The following SENP5 variants were observed in gnomAD, a reference collection of about 807,000 sequenced individuals.
SENP5 encodes sentrin-specific protease 5.
SENP5 carries 21 observed loss-of-function variants against 74.2 expected under a neutral mutation model. That is an observed-to-expected ratio of 0.28 (90% CI 0.20 to 0.41). SENP5 has a LOEUF of 0.41. Among genes scored for constraint, SENP5 ranks in the 10% least tolerant of loss-of-function variants. SENP5 has a pLI of 1.00. For missense variants in SENP5, 717 were observed against 889.1 expected (o/e 0.81, Z 2.46); for synonymous variants, 311 against 312.7 (o/e 0.99, Z 0.06).
Position 196,922,734 on chromosome 3 carries a change from A to C in SENP5, c.1885-680A>C, listed in dbSNP as rs75661271. Among the ~76,000 whole-genome samples the C allele has an allele frequency of 1.2e-3, 189 of 152,114 alleles. 6 individuals are homozygous for C. In the East Asian group the frequency reaches 0.031, roughly 25 times the overall value. On this transcript the variant is annotated intron_variant, in intron 6 of 9. Transcript: ENST00000323460. ...CTCCCAGGCTCAAGCCATCCTTTGA[A>C]CCTCAGCCTACCAAGTAACTGCGAC...
rs1218044345 is a variant in SENP5, at chr3:196,885,727, G to A, written c.546G>A (p.Thr182=). The A allele has an allele frequency of 3.1e-6, 5 of 1,614,208 alleles. No individual in the cohort carries two copies. Among genetic ancestry groups the A allele is most frequent in the East Asian group, 2.2e-5 (1 of 44,876 alleles). Reference sequence around the variant, plus strand: ...GCCAAAGTCCAGGTGAGAGTGGCACGATTGTGGTCACCTTGAACAACCATA... The same window carrying A: ...GCCAAAGTCCAGGTGAGAGTGGCACAATTGTGGTCACCTTGAACAACCATA... The part of the protein sequence containing the change: ...GESQSPGESG[T]IVVTLNNHKR... The change falls in exon 2 of 10, where the codon ACG becomes ACA. Residue 182 remains threonine, a synonymous_variant. Coordinates refer to ENST00000323460, the MANE Select transcript of SENP5 (RefSeq NM_152699.5).
chr3:196,888,512 A>T (rs533024219), intron 2 of SENP5, among the ~76,000 whole-genome samples: 1 of 151,874 alleles, frequency 6.6e-6, no homozygotes, highest in Non-Finnish European at 1.5e-5. Flanking sequence ...TGAACCTGGG[A>T]GGCGGAGGTT....
chr3:196,924,449 A>G (rs796439675), intron 7 of SENP5, among the ~76,000 whole-genome samples: 30 of 152,362 alleles, frequency 2.0e-4, no homozygotes, highest in African/African-American at 6.7e-4. Context: ...AAATTTTAGG[A>G]AAAATGCAAA....
At chr3:196,873,502 T>C (rs1248458551) in intron 1 of SENP5, among the ~76,000 whole-genome samples, 1 of 152,206 alleles carries the variant, frequency 6.6e-6, no homozygotes, top group African/African-American at 2.4e-5. Context: ...TTCAGGTTTA[T>C]GTATTTCACT....
At chr3:196,879,916 C>CA (rs953920109) in intron 1 of SENP5, among the ~76,000 whole-genome samples, 2 of 152,114 alleles carry the variant, frequency 1.3e-5, no homozygotes, top group Admixed American at 1.3e-4. Flanking sequence ...CTATATGCTT[C>CA]ACCTAGCTTT....
intron 2 of SENP5, among the ~76,000 whole-genome samples, chr3:196,888,354 G>A (rs1400600229): frequency 6.6e-6 from 1 of 152,110 alleles, no homozygotes; most frequent in Non-Finnish European, 1.5e-5. Context: ...AGGCCGAGGT[G>A]GGCGGATCAC....
In SENP5 at chr3:196,900,030, A is replaced by G; in HGVS notation, c.1726A>G (p.Thr576Ala). ...CATGCTGGATATGGACGACCTGGCG[A>G]CTCTGGATGGTCAGAACTGGCTGAA... ...KHMLDMDDLA[T>A]LDGQNWLNDQ... is the part of the protein sequence containing the mutation. Residue 576 changes from threonine to alanine, a missense_variant, in exon 4 of 10, where the codon ACT (threonine) becomes GCT (alanine). By Grantham distance (58) the Thr-to-Ala change is moderately conservative. Coordinates refer to ENST00000323460, the MANE Select transcript of SENP5 (RefSeq NM_152699.5). 1 of 1,613,936 alleles carries G rather than the reference A, an allele frequency of 6.2e-7. No individual in the cohort carries two copies. Among genetic ancestry groups the G allele is most frequent in the Non-Finnish European group, 8.5e-7 (1 of 1,179,966 alleles).
At chr3:196,924,827 TAAAAC>T (rs980379222) in intron 7 of SENP5, among the ~76,000 whole-genome samples, 1 of 152,158 alleles carries the variant, frequency 6.6e-6, no homozygotes, top group African/African-American at 2.4e-5. Context: ...TAGTGCAAAA[TAAAAC>T]AACCCAAATT....
At chr3:196,906,910 A>G (rs1182869356) in intron 6 of SENP5, among the ~76,000 whole-genome samples, 1 of 152,212 alleles carries the variant, frequency 6.6e-6, no homozygotes, top group African/African-American at 2.4e-5. Context: ...TTTCAGATTC[A>G]TGGTACTTTG....
chr3:196,886,632 G>A lies in SENP5; in HGVS notation c.1451G>A (p.Gly484Asp), dbSNP rs143923578. 19 of 1,608,112 alleles carry A rather than the reference G, an allele frequency of 1.2e-5. No homozygotes were observed. Among genetic ancestry groups the A allele is most frequent in the East Asian group, 6.7e-5 (3 of 44,866 alleles). Residue 484 changes from glycine (G) to aspartate (D), a missense_variant, in exon 2 of 10, where the codon GGT becomes GAT. Gly to Asp is a moderately conservative substitution (Grantham distance 94). Coordinates refer to ENST00000323460, the MANE Select transcript of SENP5 (RefSeq NM_152699.5). ...SGLKLENQVG[G>D]GKNSQKASPV... ...CTCAAACTAGAAAATCAAGTAGGAG[G>A]TGGAAAGAACAGTCAGAAAGCCTCT...
intron 1 of SENP5, among the ~76,000 whole-genome samples, chr3:196,881,684 A>AT (rs144656609): frequency 0.015 from 2,335 of 150,960 alleles, 52 homozygotes; most frequent in African/African-American, 0.052. Context: ...TGTTGCAAAT[A>AT]TTTTTTTCTA....
At chr3:196,869,332 T>C (rs952372312) in intron 1 of SENP5, among the ~76,000 whole-genome samples, 2 of 151,814 alleles carry the variant, frequency 1.3e-5, no homozygotes, top group Non-Finnish European at 2.9e-5. Context: ...GCCTCCAGAG[T>C]AGCTGGGATT....
intron 7 of SENP5, among the ~76,000 whole-genome samples, chr3:196,926,831 G>A (rs1177998833): frequency 6.6e-6 from 1 of 151,840 alleles, no homozygotes; most frequent in East Asian, 1.9e-4. Flanking sequence ...TAGAAATGGG[G>A]TTTCACCATG....
chr3:196,877,790 G>A (rs1713546924), intron 1 of SENP5, among the ~76,000 whole-genome samples: 1 of 152,094 alleles, frequency 6.6e-6, no homozygotes, highest in South Asian at 2.1e-4. Flanking sequence ...GGTTGCCTTG[G>A]GCACAGTTTG....
intron 2 of SENP5, among the ~76,000 whole-genome samples, chr3:196,894,999 C>T (rs1462785347): frequency 6.6e-6 from 1 of 152,026 alleles, no homozygotes. Context: ...TACTGTATAC[C>T]TTCCTTACTG....
chr3:196,886,607 C>G lies in SENP5; in HGVS notation c.1426C>G (p.Leu476Val). The G allele has an allele frequency of 6.2e-7, 1 of 1,611,914 alleles. No individual in the cohort carries two copies. Among genetic ancestry groups the G allele is most frequent in the Non-Finnish European group, 8.5e-7 (1 of 1,179,362 alleles). The change falls in exon 2 of 10, where the codon CTC becomes GTC. Residue 476 changes from leucine (L) to valine (V), a missense_variant. By Grantham distance (32) the Leu-to-Val change is conservative. Around this residue, in one of 4 missense-constraint regions of SENP5, gnomAD observed 567 missense variants for 577.4 expected, o/e 0.98. Coordinates refer to ENST00000323460, the MANE Select transcript of SENP5 (RefSeq NM_152699.5). ...PLEAPLVCSG[L>V]KLENQVGGGK... ...GGAGGCTCCCTTGGTGTGCAGTGGA[C>G]TCAAACTAGAAAATCAAGTAGGAGG...
intron 5 of SENP5, among the ~76,000 whole-genome samples, chr3:196,902,707 C>A (rs75135747): frequency 6.6e-6 from 1 of 152,150 alleles, no homozygotes; most frequent in African/African-American, 2.4e-5. Flanking sequence ...AATATGTTTA[C>A]CCTCTAAGAT....
intron 2 of SENP5, among the ~76,000 whole-genome samples, chr3:196,886,946 T>C (rs1012596569): frequency 6.6e-6 from 1 of 152,232 alleles, no homozygotes; most frequent in African/African-American, 2.4e-5. Flanking sequence ...TTTATACATT[T>C]GTTTCTGTAA....
chr3:196,878,462 C>T (rs1425726068), intron 1 of SENP5, among the ~76,000 whole-genome samples: 2 of 152,098 alleles, frequency 1.3e-5, no homozygotes, highest in African/African-American at 4.8e-5. Flanking sequence ...AAGGTAGAAA[C>T]CTCTAGCTTT....
Sources: gnomAD v4.1 joint callset for allele counts (sites outside exome capture counted in the v4.1 genomes callset) on GRCh38, gnomAD v4.1.1 for gene constraint, gnomAD v4.1.1 regional missense constraint, MANE v1.5 for transcripts, NCBI Gene and HGNC (gene_info 2026-07-23, HGNC 2026-07-21) for gene names.